BMP8A: variants seen among roughly 807,000 people sequenced by gnomAD.
BMP8A encodes the protein BMP-8A.
A neutral mutation model predicts 36.8 loss-of-function variants in BMP8A; 14 were observed. That is an observed-to-expected ratio of 0.38 (90% CI 0.25 to 0.60). The LOEUF is 0.60. Among genes scored for constraint, BMP8A ranks in the 20% least tolerant of loss-of-function variants. The pLI is 0.63. For missense variants in BMP8A, 267 were observed against 551.1 expected (o/e 0.48, Z 5.16); for synonymous variants, 120 against 237.7 (o/e 0.50, Z 4.55).
At chr1:39,505,415 A>G (rs1169179388) in intron 1 of BMP8A, among the ~76,000 whole-genome samples, 1 of 152,200 alleles carries the variant, frequency 6.6e-6, no homozygotes, top group African/African-American at 2.4e-5. Context: ...TTAAACCCTG[A>G]GTCAATACAG....
chr1:39,498,517 G>T (rs1034859540), intron 1 of BMP8A, among the ~76,000 whole-genome samples: 1 of 152,208 alleles, frequency 6.6e-6, no homozygotes, highest in African/African-American at 2.4e-5. Flanking sequence ...TATGAGAGCA[G>T]CACCATTTAT....
chr1:39,494,428 G>T (rs1236938219), intron 1 of BMP8A, among the ~76,000 whole-genome samples: 2 of 148,184 alleles, frequency 1.3e-5, no homozygotes, highest in African/African-American at 5.0e-5. Context: ...ATAGCTCACT[G>T]CAACCTCTAA....
intron 1 of BMP8A, among the ~76,000 whole-genome samples, chr1:39,492,937 C>A (rs534346399): frequency 2.0e-5 from 3 of 152,272 alleles, no homozygotes; most frequent in Admixed American, 2.0e-4. Context: ...GGTGAGTGTC[C>A]GGTCCTGTGG....
intron 1 of BMP8A, among the ~76,000 whole-genome samples, chr1:39,495,709 G>A (rs1184492583): frequency 7.0e-6 from 1 of 143,546 alleles, no homozygotes; most frequent in Non-Finnish European, 1.5e-5. Context: ...TCACAACACC[G>A]CCATGCCTTG....
At chr1:39,523,225 G>C in intron 6 of BMP8A, 108 bp downstream of exon 6, 8 of 1,312,450 alleles carry the variant, frequency 6.1e-6, no homozygotes, top group Non-Finnish European at 6.4e-6. Context: ...TCCATGTCTC[G>C]GGGGCTTTGT....
rs1308904458 is a variant in BMP8A, at chr1:39,525,632, G to A, written c.1060-17G>A. On this transcript the variant is annotated splice_polypyrimidine_tract_variant and intron_variant, in intron 6 of 6. Transcript: ENST00000331593. ...CCACTGGCCTCATGCCCCTGCCTGT[G>A]CTCCCTTCCTGGCCAGGTGCACCTG... The A allele has an allele frequency of 6.2e-7, 1 of 1,613,086 alleles. No individual in the cohort carries two copies. The highest frequency in any genetic ancestry group is 8.5e-7 in the Non-Finnish European group (1 of 1,179,940).
intron 1 of BMP8A, among the ~76,000 whole-genome samples, chr1:39,509,712 G>T (rs1373362988): frequency 2.0e-5 from 3 of 152,200 alleles, no homozygotes; most frequent in Non-Finnish European, 4.4e-5. Context: ...GGCCCGCACA[G>T]CCTGGTGCTT....
In BMP8A at chr1:39,528,690, C is replaced by G. The variant is rs866299973; in HGVS notation, c.*2892C>G. Among the ~76,000 whole-genome samples the G allele has an allele frequency of 2.7e-5, 4 of 146,928 alleles. No individual in the cohort carries two copies. The highest frequency in any genetic ancestry group is 9.9e-5 in the African/African-American group (4 of 40,462). ...GAGCCAAGTCGACCTGGCATCAGGT[C>G]CTGGCTGCCTTTTTTTTTTTTTTTT... On this transcript the variant is annotated 3_prime_UTR_variant, in exon 7 of 7. Coordinates refer to ENST00000331593, the MANE Select transcript of BMP8A (RefSeq NM_181809.4).
intron 3 of BMP8A, among the ~76,000 whole-genome samples, chr1:39,517,298 A>G (rs1364544496): frequency 2.0e-5 from 3 of 151,744 alleles, no homozygotes; most frequent in Non-Finnish European, 2.9e-5. Context: ...AGTTGGGCCA[A>G]TTAACCTTAG....
At chr1:39,493,593 A>G (rs1223530144) in intron 1 of BMP8A, among the ~76,000 whole-genome samples, 3 of 152,246 alleles carry the variant, frequency 2.0e-5, no homozygotes, top group South Asian at 2.1e-4. Context: ...AGAAGAGGGC[A>G]TGGCCAAGCC....
Position 39,492,065 on chromosome 1 carries a change from T to TGCGACCCCCGCCCGGCTGTCCCCA in BMP8A, c.80_103dup (p.Pro27_Arg34dup). 3 of 1,113,602 alleles carry TGCGACCCCCGCCCGGCTGTCCCCA rather than the reference T, an allele frequency of 2.7e-6. No homozygotes were observed. Among genetic ancestry groups the TGCGACCCCCGCCCGGCTGTCCCCA allele is most frequent in the Non-Finnish European group, 3.3e-6 (3 of 914,542 alleles). The allele number at this position is 1,113,602 out of a possible 1,614,324, so 69.0% of individuals were successfully genotyped here. On this transcript the variant is annotated inframe_insertion, in exon 1 of 7. Coordinates refer to ENST00000331593, the MANE Select transcript of BMP8A (RefSeq NM_181809.4). ...GCGCTGGGCGGGGGCGGCCCCGGCC[T>TGCGACCCCCGCCCGGCTGTCCCCA]GCGACCCCCGCCCGGCTGTCCCCAG... is the stretch of plus-strand genomic sequence containing the variant.
At chr1:39,493,495 T>C (rs1645179478) in intron 1 of BMP8A, among the ~76,000 whole-genome samples, 1 of 152,146 alleles carries the variant, frequency 6.6e-6, no homozygotes, top group South Asian at 2.1e-4. Context: ...GCAGAGAGCT[T>C]TCTGAGGAGT....
chr1:39,497,541 A>G (rs973252091), intron 1 of BMP8A, among the ~76,000 whole-genome samples: 5 of 152,342 alleles, frequency 3.3e-5, no homozygotes, highest in East Asian at 1.9e-4. Flanking sequence ...CAGGGTTTCC[A>G]TAAATCTCTC....
chr1:39,496,879 A>C (rs1645209915), intron 1 of BMP8A, among the ~76,000 whole-genome samples: 2 of 152,230 alleles, frequency 1.3e-5, no homozygotes, highest in African/African-American at 4.8e-5. Context: ...TTATAGAAAT[A>C]ATGCATGCTC....
intron 6 of BMP8A, 79 bp downstream of exon 6, chr1:39,523,196 G>A (rs1458913496): frequency 1.3e-6 from 2 of 1,496,782 alleles, no homozygotes; most frequent in Non-Finnish European, 1.8e-6. Context: ...CCAGCCGGGA[G>A]GGCAGTGAGG....
chr1:39,499,370 C>T lies in BMP8A; in HGVS notation c.334+7045C>T, dbSNP rs181320361. On this transcript the variant is annotated intron_variant, in intron 1 of 6. Transcript: ENST00000331593. ...ACTCTTCCTGTGGGCCCTTCGGGGC[C>T]GGGGAGGGTCTGAGGGGAGATGGGA... Among the ~76,000 whole-genome samples, 382 of 152,296 alleles carry T rather than the reference C, an allele frequency of 2.5e-3. 1 individual carries two copies. The highest frequency in any genetic ancestry group is 8.5e-3 in the African/African-American group (352 of 41,586).
chr1:39,496,326 C>T (rs1217578224), intron 1 of BMP8A, among the ~76,000 whole-genome samples: 2 of 149,562 alleles, frequency 1.3e-5, no homozygotes, highest in Non-Finnish European at 3.0e-5. Flanking sequence ...AGGTAATTGT[C>T]GGGTGTGCTA....
Position 39,523,106 on chromosome 1 carries a change from C to T in BMP8A, c.1048C>T (p.Leu350=), listed in dbSNP as rs772028700. 5 of 1,613,870 alleles carry T rather than the reference C, an allele frequency of 3.1e-6. No homozygotes were observed. In the Admixed American group the frequency reaches 8.3e-5, roughly 27 times the overall value. ...CATGAACGCCACCAACCACGCCATC[C>T]TGCAGTCCCTGGTCAGTACCGTGCC... ...SCMNATNHAI[L]QSLVHLMKPN... Residue 350 remains leucine (L), a synonymous_variant, in exon 6 of 7, where the codon CTG becomes TTG. Transcript: ENST00000331593.
rs1324527111 is a variant in BMP8A, at chr1:39,525,248, G to T, written c.1060-401G>T. ...GTGGGGAGGCAGAGCCTCTGGGGGG[G>T]TCTGAAGGGCTATAAGAAGACAGTG... On this transcript the variant is annotated intron_variant, in intron 6 of 6. Coordinates refer to ENST00000331593, the MANE Select transcript of BMP8A (RefSeq NM_181809.4). 3 of 186,142 alleles carry T rather than the reference G, an allele frequency of 1.6e-5. No homozygotes were observed. The East Asian group carries it at 4.7e-4, about 29-fold the overall frequency. 11.5% of individuals were successfully genotyped at this position (186,142 alleles called of 1,614,324 possible).
Sources: gnomAD v4.1 joint callset for allele counts (sites outside exome capture counted in the v4.1 genomes callset) on GRCh38, gnomAD v4.1.1 for gene constraint, MANE v1.5 for transcripts, NCBI Gene and HGNC (gene_info 2026-07-23, HGNC 2026-07-21) for gene names.